The following GABRR2 variants were observed in gnomAD, a reference collection of about 807,000 sequenced individuals.
The protein encoded by GABRR2 is gamma-aminobutyric acid receptor subunit rho-2.
A neutral mutation model predicts 47.0 loss-of-function variants in GABRR2; 36 were observed. That is an observed-to-expected ratio of 0.77 (90% CI 0.59 to 1.01). The LOEUF is 1.01. Ranked by LOEUF, GABRR2 falls within the 50% of genes least tolerant of loss-of-function variation. The pLI is 0.00. For synonymous variants in GABRR2, 204 were observed against 227.5 expected (o/e 0.90, Z 0.93); for missense variants, 587 against 594.6 (o/e 0.99, Z 0.13).
intron 2 of GABRR2, among the ~76,000 whole-genome samples, chr6:89,297,314 C>A (rs1217564380): frequency 2.0e-5 from 3 of 152,074 alleles, no homozygotes; most frequent in Non-Finnish European, 2.9e-5. Flanking sequence ...GCCTATGCCG[C>A]CTAATGAATA....
intron 1 of GABRR2, chr6:89,302,896 T>C: frequency 8.3e-7 from 1 of 1,198,562 alleles, no homozygotes; most frequent in Non-Finnish European, 1.2e-6. Flanking sequence ...CAGGAGCTGT[T>C]CAAGCATCTC....
chr6:89,258,224 G>A (rs1200934996), intron 8 of GABRR2, among the ~76,000 whole-genome samples: 22 of 152,114 alleles, frequency 1.4e-4, no homozygotes, highest in Non-Finnish European at 1.0e-4. Flanking sequence ...AAATTCCCAG[G>A]TGATTCTACT....
At chr6:89,299,965 C>A (rs538410249) in intron 1 of GABRR2, 100 bp from the exon 2 acceptor site, 12 of 761,858 alleles carry the variant, frequency 1.6e-5, no homozygotes, top group African/African-American at 1.6e-4. Context: ...TGTTAGGTAC[C>A]TTTTCTCCAT....
At chr6:89,312,875 T>C (rs1767703135) in intron 1 of GABRR2, among the ~76,000 whole-genome samples, 1 of 152,168 alleles carries the variant, frequency 6.6e-6, no homozygotes, top group Non-Finnish European at 1.5e-5. Context: ...TAACACCTCA[T>C]GGGCTGGATT....
intron 1 of GABRR2, among the ~76,000 whole-genome samples, chr6:89,306,603 G>A (rs1767563236): frequency 1.3e-5 from 2 of 152,196 alleles, no homozygotes; most frequent in African/African-American, 4.8e-5. Context: ...CCCAGAGCTG[G>A]AGCCCAGGAC....
chr6:89,297,776 C>T (rs1465701365), intron 2 of GABRR2, among the ~76,000 whole-genome samples: 1 of 152,136 alleles, frequency 6.6e-6, no homozygotes. Context: ...TCGCTTGAAC[C>T]TGAGAGGCAG....
chr6:89,271,326 T>G (rs1007590377), intron 3 of GABRR2, among the ~76,000 whole-genome samples: 1 of 152,178 alleles, frequency 6.6e-6, no homozygotes, highest in Non-Finnish European at 1.5e-5. Flanking sequence ...AGCCTGAAAC[T>G]GTCCACCTCC....
At chr6:89,282,403 T>C (rs913151278) in intron 2 of GABRR2, among the ~76,000 whole-genome samples, 1 of 152,216 alleles carries the variant, frequency 6.6e-6, no homozygotes, top group Non-Finnish European at 1.5e-5. Flanking sequence ...CAATTCTGCC[T>C]TGATGGCAGA....
intron 2 of GABRR2, among the ~76,000 whole-genome samples, chr6:89,297,880 TGTTATTGTTG>T (rs1212427286): frequency 6.6e-6 from 1 of 152,172 alleles, no homozygotes; most frequent in East Asian, 1.9e-4. Flanking sequence ...TTGTCATGCA[TGTTATTGTTG>T]GTTATTGTGT....
At chr6:89,284,236 G>C (rs1399714507) in intron 2 of GABRR2, among the ~76,000 whole-genome samples, 2 of 152,156 alleles carry the variant, frequency 1.3e-5, no homozygotes, top group Admixed American at 1.3e-4. Flanking sequence ...ATCTCGATCT[G>C]CATAGTGTTT....
At chr6:89,281,561 GT>G (rs1023291424) in intron 2 of GABRR2, among the ~76,000 whole-genome samples, 1 of 151,320 alleles carries the variant, frequency 6.6e-6, no homozygotes, top group African/African-American at 2.4e-5. Context: ...AGATGTGCAC[GT>G]TTTTTTTTAA....
At chr6:89,302,439 C>G in intron 1 of GABRR2, 1 of 580,542 alleles carries the variant, frequency 1.7e-6, no homozygotes, top group Non-Finnish European at 3.3e-6. Flanking sequence ...CGCCCACCTA[C>G]GGGGACCTCA....
chr6:89,282,616 A>G lies in GABRR2; in HGVS notation c.221-10894T>C, dbSNP rs542834979. Reference sequence around the variant, plus strand: ...CGGAAGCAAAATATATAGGAGTAGCATAGGGCATGGAAAAGTTTGTTGTTT... The same window carrying G: ...CGGAAGCAAAATATATAGGAGTAGCGTAGGGCATGGAAAAGTTTGTTGTTT... On this transcript the variant is annotated intron_variant, in intron 2 of 8. Coordinates refer to ENST00000402938, the MANE Select transcript of GABRR2 (RefSeq NM_002043.5). Among the ~76,000 whole-genome samples, 54 of 152,368 alleles carry G rather than the reference A, an allele frequency of 3.5e-4. 3 individuals carry two copies. In the South Asian group the frequency reaches 9.9e-3, roughly 28 times the overall value.
chr6:89,303,171 C>A, intron 1 of GABRR2: 1 of 407,078 alleles, frequency 2.5e-6, no homozygotes, highest in South Asian at 1.9e-5. Context: ...CCAGCAGTGT[C>A]TGACCTCCAG....
chr6:89,282,060 C>G (rs1448279853), intron 2 of GABRR2, among the ~76,000 whole-genome samples: 1 of 152,160 alleles, frequency 6.6e-6, no homozygotes, highest in African/African-American at 2.4e-5. Flanking sequence ...GACTGCATCA[C>G]TACTCCTTCC....
chr6:89,257,859 C>T lies in GABRR2; in HGVS notation c.1209G>A (p.Arg403=), dbSNP rs1562341793. Residue 403 remains arginine (R), a synonymous_variant, in exon 9 of 9, where the codon AGG becomes AGA. Coordinates refer to ENST00000402938, the MANE Select transcript of GABRR2 (RefSeq NM_002043.5). ...PRSHILTEEE[R]QDKIVVHLGL... Reference sequence around the variant, plus strand: ...CCAGGTGGACCACTATTTTGTCTTGCCTTTCTTCTTCTGTCAGGATATGGC... The same window carrying T: ...CCAGGTGGACCACTATTTTGTCTTGTCTTTCTTCTTCTGTCAGGATATGGC... 1.9e-6 allele frequency: 3 copies of T among 1,614,070 alleles called. No individual in the cohort carries two copies. The South Asian group carries it at 3.3e-5, about 18-fold the overall frequency.
intron 2 of GABRR2, among the ~76,000 whole-genome samples, chr6:89,280,251 T>TAC (rs201349296): frequency 3.6e-3 from 375 of 102,980 alleles, no homozygotes; most frequent in Non-Finnish European, 3.6e-3. Context: ...TATATATATA[T>TAC]ATACATACAT....
intron 1 of GABRR2, among the ~76,000 whole-genome samples, chr6:89,310,223 G>A (rs768151948): frequency 2.6e-5 from 4 of 151,728 alleles, no homozygotes; most frequent in Non-Finnish European, 5.9e-5. Flanking sequence ...CTTCCAAATA[G>A]CCATCTTCCA....
Position 89,255,894 on chromosome 6 carries a change from T to C in GABRR2, c.*1776A>G, listed in dbSNP as rs1437313738. Among the ~76,000 whole-genome samples the C allele has an allele frequency of 6.6e-6, 1 of 151,904 alleles. No individual in the cohort carries two copies. The highest frequency in any genetic ancestry group is 2.4e-5 in the African/African-American group (1 of 41,338). On this transcript the variant is annotated 3_prime_UTR_variant, in exon 9 of 9. Transcript: ENST00000402938. Reference sequence around the variant, plus strand: ...AACTGAGTTTTCAATTTTATTTAACTTCAACTAATTTAAATAATAATAATT... The same window carrying C: ...AACTGAGTTTTCAATTTTATTTAACCTCAACTAATTTAAATAATAATAATT...
Sources: allele counts gnomAD v4.1 joint callset (sites outside exome capture counted in the v4.1 genomes callset), GRCh38; gene constraint gnomAD v4.1.1; transcripts MANE v1.5; gene names NCBI Gene and HGNC (gene_info 2026-07-23, HGNC 2026-07-21).